The following SPAST variants were observed in gnomAD, a reference collection of about 807,000 sequenced individuals.
SPAST encodes spastin, also known as spastic paraplegia 4 (autosomal dominant; spastin).
A neutral mutation model predicts 76.6 loss-of-function variants in SPAST; 30 were observed. The ratio of observed to expected loss-of-function variants is 0.39; its 90% CI spans 0.29 to 0.53. SPAST has a LOEUF of 0.53. Ranked by LOEUF, SPAST falls within the 20% of genes least tolerant of loss-of-function variation. SPAST has a pLI of 0.68. For missense variants in SPAST, 717 were observed against 770.5 expected (o/e 0.93, Z 0.82); for synonymous variants, 305 against 281.0 (o/e 1.09, Z -0.86).
At chr2:32,110,658 A>G (rs908156344) in intron 4 of SPAST, among the ~76,000 whole-genome samples, 5 of 137,728 alleles carry the variant, frequency 3.6e-5, no homozygotes, top group Non-Finnish European at 7.7e-5. Context: ...TATATAGTAT[A>G]GTATATATAG....
chr2:32,100,339 G>A (rs1277583997), intron 4 of SPAST, among the ~76,000 whole-genome samples: 2 of 137,170 alleles, frequency 1.5e-5, no homozygotes, highest in East Asian at 4.1e-4. Flanking sequence ...TTTTTTTTTA[G>A]CAATAGTTTC....
chr2:32,089,649 T>C (rs1292983086), intron 3 of SPAST, 44 bp downstream of exon 3: 1 of 991,042 alleles, frequency 1.0e-6, no homozygotes, highest in Non-Finnish European at 1.6e-6. Context: ...ATTGGAAATG[T>C]GTGTTCAATG....
intron 15 of SPAST, among the ~76,000 whole-genome samples, chr2:32,146,155 T>C (rs1679878598): frequency 1.3e-5 from 2 of 152,210 alleles, no homozygotes; most frequent in African/African-American, 4.8e-5. Flanking sequence ...GTTCAGTTAG[T>C]GGATTTAGAA....
chr2:32,077,583 C>G lies in SPAST; in HGVS notation c.416-9909C>G, dbSNP rs577357878. Among the ~76,000 whole-genome samples the G allele has an allele frequency of 2.0e-5, 3 of 152,200 alleles. No individual in the cohort carries two copies. In the South Asian group the frequency reaches 6.2e-4, roughly 32 times the overall value. On this transcript the variant is annotated intron_variant, in intron 1 of 16. Coordinates refer to ENST00000315285, the MANE Select transcript of SPAST (RefSeq NM_014946.4). ...GCCCAGACAGATTAACTGACTTTTC[C>G]AAAATCATATTGCTATTAAATGGTG...
At chr2:32,125,600 A>G (rs1679164234) in intron 7 of SPAST, among the ~76,000 whole-genome samples, 1 of 151,980 alleles carries the variant, frequency 6.6e-6, no homozygotes, top group African/African-American at 2.4e-5. Context: ...CTGTTATTAA[A>G]GTGTAGGTGA....
intron 4 of SPAST, among the ~76,000 whole-genome samples, chr2:32,106,337 C>G (rs1678318479): frequency 6.6e-6 from 1 of 152,108 alleles, no homozygotes; most frequent in South Asian, 2.1e-4. Context: ...TGGGAGTCTC[C>G]CTATTTTCCA....
intron 7 of SPAST, among the ~76,000 whole-genome samples, chr2:32,120,607 C>T: frequency 6.8e-6 from 1 of 146,598 alleles, no homozygotes. Flanking sequence ...ATACCTTTTC[C>T]TGGAACCACC....
chr2:32,124,451 G>A (rs940448546), intron 7 of SPAST, among the ~76,000 whole-genome samples: 1 of 152,126 alleles, frequency 6.6e-6, no homozygotes, highest in Non-Finnish European at 1.5e-5. Context: ...CATTTTGGAA[G>A]GTAGTTGGAC....
intron 1 of SPAST, among the ~76,000 whole-genome samples, chr2:32,071,092 C>G (rs183331888): frequency 6.6e-6 from 1 of 152,304 alleles, no homozygotes; most frequent in East Asian, 1.9e-4. Flanking sequence ...TTTGGATTTA[C>G]TAGAACATAT....
intron 7 of SPAST, chr2:32,126,734 G>T: frequency 2.0e-6 from 1 of 500,514 alleles, no homozygotes; most frequent in South Asian, 2.5e-5. Flanking sequence ...TAATCCTCCT[G>T]TCTTTGCCCC....
intron 1 of SPAST, among the ~76,000 whole-genome samples, chr2:32,069,362 G>C (rs1573037461): frequency 6.6e-6 from 1 of 152,122 alleles, no homozygotes; most frequent in Non-Finnish European, 1.5e-5. Flanking sequence ...CCTCTTGGCT[G>C]TCCTTGACAA....
At chr2:32,075,654 A>G (rs552575699) in intron 1 of SPAST, among the ~76,000 whole-genome samples, 1 of 146,930 alleles carries the variant, frequency 6.8e-6, no homozygotes, top group South Asian at 2.2e-4. Flanking sequence ...GATTCAAGCA[A>G]TTCTCCTGCC....
At chr2:32,066,515 A>G (rs764112372) in intron 1 of SPAST, among the ~76,000 whole-genome samples, 13 of 151,962 alleles carry the variant, frequency 8.6e-5, no homozygotes, top group Non-Finnish European at 1.8e-4. Flanking sequence ...TAAAAATACA[A>G]AAATTAGCTG....
At position 32,064,841 on chromosome 2, in the gene SPAST, CCT is replaced by C. The variant is rs532091856; in HGVS notation, c.415+596_415+597del. 1.5e-4 allele frequency among the ~76,000 whole-genome samples: 23 copies of C among 152,256 alleles called. No homozygotes were observed. The South Asian group carries it at 3.5e-3, about 23-fold the overall frequency. ...TTATATTTAGCATAAAACTTTTCCC[CCT>C]GTTGCTTTGATTTTAATTAAAACAG... is the stretch of plus-strand genomic sequence containing the variant. On this transcript the variant is annotated intron_variant, in intron 1 of 16. Coordinates refer to ENST00000315285, the MANE Select transcript of SPAST (RefSeq NM_014946.4).
intron 1 of SPAST, among the ~76,000 whole-genome samples, chr2:32,083,663 A>G (rs112332565): frequency 7.1e-6 from 1 of 140,272 alleles, no homozygotes; most frequent in Non-Finnish European, 1.5e-5. Context: ...TACTATATAT[A>G]TATATATATA....
At chr2:32,098,646 G>C (rs1678007066) in intron 3 of SPAST, 150 bp from the exon 4 acceptor site, 1 of 561,320 alleles carries the variant, frequency 1.8e-6, no homozygotes, top group Non-Finnish European at 3.2e-6. Flanking sequence ...TATTTTAAAA[G>C]ATAATTTTAT....
At chr2:32,121,434 C>T (rs1341827679) in intron 7 of SPAST, among the ~76,000 whole-genome samples, 1 of 152,064 alleles carries the variant, frequency 6.6e-6, no homozygotes, top group African/African-American at 2.4e-5. Context: ...AGCCACTGCG[C>T]CCAGCCCCTC....
At chr2:32,139,876 C>T (rs1679661721) in intron 12 of SPAST, among the ~76,000 whole-genome samples, 1 of 150,836 alleles carries the variant, frequency 6.6e-6, no homozygotes, top group African/African-American at 2.4e-5. Context: ...AATGGAGTAC[C>T]TAGGAATACG....
chr2:32,152,341 T>A (rs1293067580), intron 16 of SPAST, among the ~76,000 whole-genome samples: 1 of 152,114 alleles, frequency 6.6e-6, no homozygotes, highest in Non-Finnish European at 1.5e-5. Flanking sequence ...GCTCAGGCCA[T>A]TGGATCCCTT....
Sources: gnomAD v4.1 joint callset for allele counts (sites outside exome capture counted in the v4.1 genomes callset) on GRCh38, gnomAD v4.1.1 for gene constraint, MANE v1.5 for transcripts, NCBI Gene and HGNC (gene_info 2026-07-23, HGNC 2026-07-21) for gene names.